PSMA1: variants seen among roughly 807,000 people sequenced by gnomAD.
PSMA1 encodes the protein proteasome subunit alpha type-1.
Under a neutral mutation model 38.4 loss-of-function variants are expected in PSMA1, and 3 were observed. That is an observed-to-expected ratio of 0.08 (90% CI 0.04 to 0.20). The LOEUF is 0.20. PSMA1 is among the 10% of genes least tolerant of loss of function. The pLI is 1.00. For missense variants in PSMA1, 227 were observed against 325.3 expected (o/e 0.70, Z 2.32); for synonymous variants, 101 against 107.1 (o/e 0.94, Z 0.35).
intron 2 of PSMA1, among the ~76,000 whole-genome samples, chr11:14,559,803 C>A (rs1264201450): frequency 6.6e-6 from 1 of 152,154 alleles, no homozygotes; most frequent in Non-Finnish European, 1.5e-5. Flanking sequence ...ACTGTTGTAT[C>A]CTGAGTTCCC....
intron 2 of PSMA1, among the ~76,000 whole-genome samples, chr11:14,536,383 C>A (rs549559072): frequency 1.3e-5 from 2 of 151,696 alleles, no homozygotes; most frequent in African/African-American, 4.8e-5. Context: ...AAACATTAGC[C>A]GGGCTTGGTG....
chr11:14,535,388 T>C (rs1305563157), intron 2 of PSMA1, among the ~76,000 whole-genome samples: 4 of 151,948 alleles, frequency 2.6e-5, no homozygotes, highest in Non-Finnish European at 4.4e-5. Context: ...GTCATCTAGA[T>C]AGTTGAGTAA....
intron 2 of PSMA1, among the ~76,000 whole-genome samples, chr11:14,582,667 G>A (rs1283492566): frequency 2.7e-5 from 4 of 149,644 alleles, no homozygotes; most frequent in Admixed American, 1.3e-4. Flanking sequence ...ACAGGCACAC[G>A]CCAACAGGCC....
chr11:14,546,116 TTACCTAATTC>T (rs1851823301), intron 2 of PSMA1, among the ~76,000 whole-genome samples: 1 of 151,908 alleles, frequency 6.6e-6, no homozygotes, highest in South Asian at 2.1e-4. Flanking sequence ...AAGTCTCTTG[TTACCTAATTC>T]TACCTTTCTC....
At chr11:14,581,957 T>A (rs999924460) in intron 2 of PSMA1, among the ~76,000 whole-genome samples, 1 of 152,208 alleles carries the variant, frequency 6.6e-6, no homozygotes, top group African/African-American at 2.4e-5. Context: ...ACTTTGCCCC[T>A]GATTCTTATT....
At chr11:14,606,454 G>C (rs1256866373) in intron 2 of PSMA1, among the ~76,000 whole-genome samples, 1 of 151,882 alleles carries the variant, frequency 6.6e-6, no homozygotes, top group East Asian at 1.9e-4. Flanking sequence ...AAAAGAATCT[G>C]TTTTGAAATA....
chr11:14,638,546 TA>T, intron 1 of PSMA1, among the ~76,000 whole-genome samples: 1 of 12,520 alleles, frequency 8.0e-5, no homozygotes, highest in African/African-American at 4.4e-4. Flanking sequence ...TCTCTCTCTC[TA>T]TATATATATA....
At chr11:14,573,615 G>C (rs1021046896) in intron 2 of PSMA1, among the ~76,000 whole-genome samples, 26 of 152,136 alleles carry the variant, frequency 1.7e-4, no homozygotes, top group South Asian at 2.1e-4. Flanking sequence ...GACAGGGATG[G>C]CCTCTCTCAC....
At chr11:14,587,600 T>C (rs1396860753) in intron 2 of PSMA1, among the ~76,000 whole-genome samples, 1 of 151,156 alleles carries the variant, frequency 6.6e-6, no homozygotes, top group Non-Finnish European at 1.5e-5. Flanking sequence ...TTTTTTTGTC[T>C]TTTTTTTTCC....
chr11:14,508,092 C>T (rs1851276060), intron 8 of PSMA1, among the ~76,000 whole-genome samples: 1 of 152,092 alleles, frequency 6.6e-6, no homozygotes, highest in Non-Finnish European at 1.5e-5. Context: ...AACAAAATGG[C>T]TTTATAAAAC....
intron 2 of PSMA1, among the ~76,000 whole-genome samples, chr11:14,525,847 A>T (rs1851580254): frequency 6.6e-6 from 1 of 151,630 alleles, no homozygotes; most frequent in Non-Finnish European, 1.5e-5. Flanking sequence ...AGCCCTCATT[A>T]CTTCAGCCAA....
chr11:14,635,562 C>T (rs181918398), intron 1 of PSMA1, among the ~76,000 whole-genome samples: 1 of 152,234 alleles, frequency 6.6e-6, no homozygotes, highest in Admixed American at 6.5e-5. Context: ...TGTAAATGTA[C>T]AAGTCTTTAT....
At chr11:14,519,254 C>G (rs1851485312) in intron 1 of PSMA1, 2 of 611,942 alleles carry the variant, frequency 3.3e-6, no homozygotes, top group East Asian at 6.9e-5. Flanking sequence ...TAAATGGGTC[C>G]TATTTTTCCA....
chr11:14,585,615 A>T (rs1852335611), intron 2 of PSMA1, among the ~76,000 whole-genome samples: 1 of 152,202 alleles, frequency 6.6e-6, no homozygotes, highest in African/African-American at 2.4e-5. Context: ...ACCCATTCCG[A>T]CACAGAAAGC....
rs2134146609 is a variant in PSMA1, at chr11:14,514,385, C to T, written c.343+18G>A. The T allele has an allele frequency of 3.1e-6, 5 of 1,591,142 alleles. No homozygotes were observed. The highest frequency in any genetic ancestry group is 4.3e-6 in the Non-Finnish European group (5 of 1,166,582). On this transcript the variant is annotated intron_variant, in intron 5 of 9. Transcript: ENST00000396394. ...CCTTCAAAGTTCATATCCATAAATG[C>T]TAACATAAAAAGGATACTGCTTCCA...
chr11:14,515,577 G>C (rs1385745458), intron 4 of PSMA1, among the ~76,000 whole-genome samples: 1 of 147,408 alleles, frequency 6.8e-6, no homozygotes, highest in Non-Finnish European at 1.5e-5. Context: ...TTTTAATACT[G>C]AGTTTCGCTC....
chr11:14,635,843 A>G (rs10832288), intron 1 of PSMA1, among the ~76,000 whole-genome samples: 21,679 of 152,184 alleles, frequency 0.14, 2,148 homozygotes, highest in African/African-American at 0.29. Context: ...TCTGTATTAT[A>G]TAGAATCTGT....
At chr11:14,514,148 T>G (rs1851389540) in intron 5 of PSMA1, 2 of 1,324,120 alleles carry the variant, frequency 1.5e-6, no homozygotes, top group Non-Finnish European at 1.9e-6. Context: ...TAGGATTTCT[T>G]GGGACATCTA....
intron 2 of PSMA1, among the ~76,000 whole-genome samples, chr11:14,571,991 C>G (rs906073656): frequency 1.3e-5 from 2 of 152,168 alleles, no homozygotes; most frequent in Non-Finnish European, 2.9e-5. Flanking sequence ...GCACCCAATA[C>G]AGGAGCACCC....
Sources: allele counts gnomAD v4.1 joint callset (sites outside exome capture counted in the v4.1 genomes callset), GRCh38; gene constraint gnomAD v4.1.1; transcripts MANE v1.5; gene names NCBI Gene and HGNC (gene_info 2026-07-23, HGNC 2026-07-21).